The following TNPO1 variants were observed in gnomAD, a reference collection of about 807,000 sequenced individuals.
TNPO1 encodes the protein transportin-1.
In TNPO1, 8 loss-of-function variants were observed where a neutral mutation model predicts 119.5. The observed-to-expected ratio is 0.07, with a 90% CI of 0.04 to 0.12. The LOEUF (loss-of-function observed/expected upper bound fraction) is 0.12, where lower values mean the gene tolerates loss of function less well. TNPO1 is among the 10% of genes least tolerant of loss of function. The pLI, the probability that TNPO1 is intolerant of heterozygous loss-of-function variation, is 1.00. For missense variants in TNPO1, 576 were observed against 1,089.8 expected (o/e 0.53, Z 6.64); for synonymous variants, 362 against 363.0 (o/e 1.00, Z 0.03).
chr5:72,887,176 G>T lies in TNPO1; in HGVS notation c.1257G>T (p.Trp419Cys). The change falls in exon 12 of 25, where the codon TGG becomes TGT. Residue 419 changes from tryptophan to cysteine, a missense_variant. By Grantham distance (215) the Trp-to-Cys change is radical (BLOSUM62 -2). Coordinates refer to ENST00000337273, the MANE Select transcript of TNPO1 (RefSeq NM_002270.4). ...LLKELLFHHE[W>C]VVKESGILVL... ...AAGAATTACTTTTTCATCATGAATG[G>T]GTTGTTAAAGAATCAGGCATTTTGG... The T allele has an allele frequency of 6.2e-7, 1 of 1,613,446 alleles. No individual in the cohort carries two copies. The highest frequency in any genetic ancestry group is 8.5e-7 in the Non-Finnish European group (1 of 1,179,632).
At chr5:72,877,963 C>G (rs1747928660) in intron 9 of TNPO1, among the ~76,000 whole-genome samples, 1 of 152,116 alleles carries the variant, frequency 6.6e-6, no homozygotes, top group African/African-American at 2.4e-5. Context: ...ATTAACATGA[C>G]ATCTTGCCTA....
rs1442595473 is a variant in TNPO1, at chr5:72,913,353, G to C, written c.*4680G>C. ...ATTACTTACGTAGATAATTCTTTATGCCTAGTTATTATACATATTAATTTT... is the reference window on the plus strand; with the variant it reads ...ATTACTTACGTAGATAATTCTTTATCCCTAGTTATTATACATATTAATTTT... On this transcript the variant is annotated 3_prime_UTR_variant, in exon 25 of 25. Transcript: ENST00000337273. 1 of 152,218 alleles carries C rather than the reference G, an allele frequency of 6.6e-6. No homozygotes were observed. The highest frequency in any genetic ancestry group is 1.5e-5 in the Non-Finnish European group (1 of 67,880). The allele number at this position is 152,218 out of a possible 1,614,324, so 9.4% of individuals were successfully genotyped here. A position where few individuals can be genotyped will look rare whatever the true frequency, so the allele number is the denominator to read the frequency against.
intron 1 of TNPO1, among the ~76,000 whole-genome samples, chr5:72,819,254 T>A (rs1743837786): frequency 6.6e-6 from 1 of 152,166 alleles, no homozygotes; most frequent in South Asian, 2.1e-4. Context: ...CAACTCACCC[T>A]CAGGGAACTA....
At chr5:72,825,136 C>G (rs1744146753) in intron 1 of TNPO1, among the ~76,000 whole-genome samples, 1 of 152,240 alleles carries the variant, frequency 6.6e-6, no homozygotes, top group Non-Finnish European at 1.5e-5. Flanking sequence ...GTCCAAGCCA[C>G]TACCATCACA....
At chr5:72,871,770 A>G (rs965711053) in intron 6 of TNPO1, 2 of 152,322 alleles carry the variant, frequency 1.3e-5, no homozygotes, top group Admixed American at 6.5e-5. Flanking sequence ...TTTGGGTTGT[A>G]GCAGCATAAT....
At chr5:72,894,535 G>T (rs527407045) in intron 18 of TNPO1, among the ~76,000 whole-genome samples, 3 of 152,170 alleles carry the variant, frequency 2.0e-5, no homozygotes, top group Admixed American at 1.3e-4. Context: ...GCCAGGCGTG[G>T]TGGCTTGTGC....
At chr5:72,875,178 A>T (rs1207751428) in intron 7 of TNPO1, among the ~76,000 whole-genome samples, 2 of 152,230 alleles carry the variant, frequency 1.3e-5, no homozygotes, top group Non-Finnish European at 2.9e-5. Flanking sequence ...ACATCAGTTT[A>T]GGGTTAAGTT....
At position 72,861,694 on chromosome 5, in the gene TNPO1, T is replaced by G. The variant is rs1401840227; in HGVS notation, c.356-114T>G. The G allele has an allele frequency of 4.1e-6, 3 of 732,214 alleles. No homozygotes were observed. In the African/African-American group the frequency reaches 5.3e-5, roughly 13 times the overall value. 45.4% of individuals were successfully genotyped at this position (732,214 alleles called of 1,614,324 possible). A position where few individuals can be genotyped will look rare whatever the true frequency, so the allele number is the denominator to read the frequency against. ...GCTGGGATTACAGCATGAGCCACCA[T>G]GCCTGGCCAAATGTTATTATTTACA... On this transcript the variant is annotated intron_variant, in intron 4 of 24. Coordinates refer to ENST00000337273, the MANE Select transcript of TNPO1 (RefSeq NM_002270.4).
rs540085960 is a variant in TNPO1, at chr5:72,868,228, C to G, written c.596+2499C>G. On this transcript the variant is annotated intron_variant, in intron 6 of 24. Transcript: ENST00000337273. ...CAGGCGGATCACGAGGTCAGGAGAT[C>G]GAGACCATCCTTGCTAACATGGTGA... is the stretch of plus-strand genomic sequence containing the variant. 1.7e-3 allele frequency among the ~76,000 whole-genome samples: 263 copies of G among 151,760 alleles called. 2 individuals are homozygous for G. The highest frequency in any genetic ancestry group is 6.1e-3 in the African/African-American group (254 of 41,418).
chr5:72,902,815 G>A (rs974567986), intron 22 of TNPO1, among the ~76,000 whole-genome samples: 4 of 151,828 alleles, frequency 2.6e-5, no homozygotes, highest in Admixed American at 2.0e-4. Flanking sequence ...ACAAATTCTG[G>A]GTATCTGTGC....
In TNPO1 at chr5:72,911,433, G is replaced by T. The variant is rs778604797; in HGVS notation, c.*2760G>T. The T allele has an allele frequency of 1.3e-5, 2 of 152,336 alleles. No homozygotes were observed. The highest frequency in any genetic ancestry group is 6.6e-5 in the Admixed American group (1 of 15,244). The allele number at this position is 152,336 out of a possible 1,614,324, so 9.4% of individuals were successfully genotyped here. ...TCTTTGTGTATTTTTCCCCCTTGAG[G>T]TTATTGTTTCTTCCTAATTTATATT... On this transcript the variant is annotated 3_prime_UTR_variant, in exon 25 of 25. Coordinates refer to ENST00000337273, the MANE Select transcript of TNPO1 (RefSeq NM_002270.4).
intron 1 of TNPO1, among the ~76,000 whole-genome samples, chr5:72,820,175 G>A (rs1002024948): frequency 6.6e-6 from 1 of 151,918 alleles, no homozygotes; most frequent in African/African-American, 2.4e-5. Flanking sequence ...TTTAATGTTT[G>A]CATGTTTGTG....
rs775179759 is a variant in TNPO1 at position 72,893,370 on chromosome 5, A to T, written c.1897-7A>T. On this transcript the variant is annotated splice_region_variant and splice_polypyrimidine_tract_variant and intron_variant, in intron 16 of 24. Transcript: ENST00000337273. The stretch of plus-strand genomic sequence containing the variant: ...AAACTTACAAAAAACATTGTGTCTA[A>T]TTTCAGCTAAACAATGCTCAACCAG... 1 of 1,611,812 alleles carries T rather than the reference A, an allele frequency of 6.2e-7. No individual in the cohort carries two copies. The highest frequency in any genetic ancestry group is 8.5e-7 in the Non-Finnish European group (1 of 1,179,406).
intron 1 of TNPO1, among the ~76,000 whole-genome samples, chr5:72,820,050 A>G (rs778970640): frequency 6.6e-6 from 1 of 152,108 alleles, no homozygotes; most frequent in Non-Finnish European, 1.5e-5. Context: ...TTTCCTTCCA[A>G]TGTTTTTTTC....
chr5:72,876,372 C>T (rs1257268809), intron 8 of TNPO1, among the ~76,000 whole-genome samples: 1 of 152,202 alleles, frequency 6.6e-6, no homozygotes, highest in East Asian at 1.9e-4. Flanking sequence ...CTTCTACCCT[C>T]AGGTACGTTG....
intron 1 of TNPO1, among the ~76,000 whole-genome samples, chr5:72,832,100 G>A (rs1744501379): frequency 6.6e-6 from 1 of 151,878 alleles, no homozygotes. Flanking sequence ...TAGGATATAG[G>A]CTCAGAAGTG....
In TNPO1 at chr5:72,912,522, C is replaced by A. The variant is rs2112533285; in HGVS notation, c.*3849C>A. 1 of 152,492 alleles carries A rather than the reference C, an allele frequency of 6.6e-6. No homozygotes were observed. The highest frequency in any genetic ancestry group is 6.5e-5 in the Admixed American group (1 of 15,272). 9.4% of individuals were successfully genotyped at this position (152,492 alleles called of 1,614,324 possible). On this transcript the variant is annotated 3_prime_UTR_variant, in exon 25 of 25. Transcript: ENST00000337273. Reference sequence around the variant, plus strand: ...TATAAAGGGTCATCCTAGTTACATTCTTTGTTTTTTAAGTGTATTTCATTG... The same window carrying A: ...TATAAAGGGTCATCCTAGTTACATTATTTGTTTTTTAAGTGTATTTCATTG...
intron 20 of TNPO1, among the ~76,000 whole-genome samples, chr5:72,897,634 AT>A (rs3839242): frequency 0.15 from 20,421 of 139,980 alleles, 1,576 homozygotes; most frequent in East Asian, 0.35. Context: ...TTTTTAATTT[AT>A]TTTTTTTTTT....
intron 1 of TNPO1, among the ~76,000 whole-genome samples, chr5:72,822,697 A>G (rs1374615025): frequency 6.6e-6 from 1 of 150,552 alleles, no homozygotes; most frequent in Non-Finnish European, 1.5e-5. Flanking sequence ...GGTTCAAGCA[A>G]TTCTCCTGCC....
Sources: allele counts gnomAD v4.1 joint callset (sites outside exome capture counted in the v4.1 genomes callset), GRCh38; gene constraint gnomAD v4.1.1; transcripts MANE v1.5; gene names NCBI Gene and HGNC (gene_info 2026-07-23, HGNC 2026-07-21).